Variants in USP45 observed in about 807,000 individuals in gnomAD.
The protein encoded by USP45 is ubiquitin specific peptidase 45, also known as ubiquitin carboxyl-terminal hydrolase 45.
A neutral mutation model predicts 95.8 loss-of-function variants in USP45; 89 were observed. The observed-to-expected ratio is 0.93, with a 90% CI of 0.78 to 1.11. The LOEUF (loss-of-function observed/expected upper bound fraction) is 1.11, where lower values mean the gene tolerates loss of function less well. USP45 is among the 50% of genes least tolerant of loss of function. The probability of loss-of-function intolerance (pLI) is 0.00; values close to 1 mark genes in which losing one functional copy is unlikely to be tolerated. For missense variants in USP45, 898 were observed against 942.5 expected (o/e 0.95, Z 0.62); for synonymous variants, 281 against 316.2 (o/e 0.89, Z 1.18).
chr6:99,470,853 A>C (rs1365809895), intron 9 of USP45, among the ~76,000 whole-genome samples: 1 of 152,208 alleles, frequency 6.6e-6, no homozygotes, highest in Non-Finnish European at 1.5e-5. Context: ...TCAGATAATC[A>C]TAACATTTCA....
intron 10 of USP45, 112 bp from the exon 11 acceptor site, chr6:99,466,875 C>A: frequency 1.4e-6 from 1 of 699,566 alleles, no homozygotes. Flanking sequence ...TTCTGTACTA[C>A]ATTTAATAAT....
At chr6:99,466,869 G>T in intron 10 of USP45, 106 bp from the exon 11 acceptor site, 3 of 735,098 alleles carry the variant, frequency 4.1e-6, no homozygotes, top group Non-Finnish European at 6.9e-6. Context: ...AAGATATTCT[G>T]TACTACATTT....
upstream of USP45, among the ~76,000 whole-genome samples, chr6:99,515,962 A>T (rs1223292754): frequency 6.6e-6 from 1 of 151,602 alleles, no homozygotes; most frequent in Non-Finnish European, 1.5e-5. Context: ...TTTGTTTAGT[A>T]GAGACGGGGT....
At chr6:99,492,770 G>A (rs370929170) in intron 5 of USP45, among the ~76,000 whole-genome samples, 1 of 152,112 alleles carries the variant, frequency 6.6e-6, no homozygotes, top group South Asian at 2.1e-4. Context: ...GGGATTATAG[G>A]AGTGAGGCCC....
intron 15 of USP45, 89 bp downstream of exon 15, chr6:99,443,476 G>A: frequency 1.2e-6 from 1 of 802,662 alleles, no homozygotes; most frequent in South Asian, 2.5e-5. Flanking sequence ...TAAGTTACTG[G>A]TTATTGTCTA....
At chr6:99,516,434 G>A (rs1177282919), upstream of USP45, among the ~76,000 whole-genome samples, 1 of 152,204 alleles carries the variant, frequency 6.6e-6, no homozygotes, top group Non-Finnish European at 1.5e-5. Flanking sequence ...GTAGAAATCA[G>A]AAGATACGAG....
intron 14 of USP45, among the ~76,000 whole-genome samples, chr6:99,444,890 T>G (rs760066470): frequency 5.9e-5 from 9 of 152,184 alleles, no homozygotes; most frequent in Non-Finnish European, 1.5e-5. Flanking sequence ...GTGGCAATTA[T>G]CTCCTGATCT....
At chr6:99,503,887 G>GA (rs1266092255) in intron 4 of USP45, 22 bp from the exon 5 acceptor site, 2 of 1,441,860 alleles carry the variant, frequency 1.4e-6, no homozygotes, top group African/African-American at 2.9e-5. Flanking sequence ...TAAAATTTAA[G>GA]AAAATATTAT....
chr6:99,489,381 A>G (rs892348699), intron 5 of USP45, among the ~76,000 whole-genome samples: 1 of 152,226 alleles, frequency 6.6e-6, no homozygotes, highest in Non-Finnish European at 1.5e-5. Context: ...AATTGGTAAC[A>G]GATTTTTTAA....
intron 7 of USP45, among the ~76,000 whole-genome samples, chr6:99,486,306 A>G (rs1245623553): frequency 2.6e-5 from 4 of 152,222 alleles, no homozygotes; most frequent in Non-Finnish European, 5.9e-5. Context: ...AGAATGATAC[A>G]AACCTAAAGT....
intron 13 of USP45, chr6:99,461,742 T>C: frequency 1.0e-6 from 1 of 985,082 alleles, no homozygotes; most frequent in Non-Finnish European, 1.2e-6. Context: ...AAATCAGTAC[T>C]TGTGCCTCTA....
Position 99,464,727 on chromosome 6 carries a change from C to T in USP45, c.1185G>A (p.Trp395Ter). ...AACTTCTATATTTATTCATTCTTCC[C>T]CAAAGTAAAGGTTTTGAAACCTATG... ...IEERVSKPLLWGRMNKYRSLR... is the reference protein window; with the variant it reads ...IEERVSKPLL The change falls in exon 13 of 18, where the codon TGG becomes TGA. Residue 395 changes from tryptophan to a stop codon, truncating the protein, a stop_gained. Coordinates refer to ENST00000500704, the MANE Select transcript of USP45 (RefSeq NM_001346022.3). LOFTEE classifies it high-confidence loss of function. 2 of 1,607,730 alleles carry T rather than the reference C, an allele frequency of 1.2e-6. No homozygotes were observed. Among genetic ancestry groups the T allele is most frequent in the South Asian group, 1.1e-5 (1 of 90,254 alleles).
chr6:99,495,510 T>C (rs1324925970), intron 5 of USP45, among the ~76,000 whole-genome samples: 1 of 152,242 alleles, frequency 6.6e-6, no homozygotes, highest in Non-Finnish European at 1.5e-5. Context: ...GTCCCCATTT[T>C]AGAACTGAAG....
intron 13 of USP45, among the ~76,000 whole-genome samples, chr6:99,455,113 A>C (rs1460388237): frequency 3.3e-5 from 5 of 151,518 alleles, no homozygotes; most frequent in African/African-American, 2.4e-5. Context: ...CAAAAAACAA[A>C]AAAACAAAAC....
chr6:99,459,957 G>C (rs542629701), intron 13 of USP45, among the ~76,000 whole-genome samples: 51 of 152,104 alleles, frequency 3.4e-4, no homozygotes, highest in African/African-American at 1.2e-3. Flanking sequence ...AGACCTTTTG[G>C]GTAGTGCTTT....
rs547094720 is a variant in USP45 at position 99,482,805 on chromosome 6, T to C, written c.793A>G (p.Thr265Ala). ...LFLFLHSMKE[T>A]EKGPLSPKVL... is the part of the protein sequence containing the mutation. ...TTAGGAGAAAGTGGTCCTTTTTCAG[T>C]CTCCTTCATGCTGTGAAGAAACAGG... Residue 265 changes from threonine (T) to alanine (A), a missense_variant, in exon 8 of 18, where the codon ACT (threonine) becomes GCT (alanine). By Grantham distance (58) the Thr-to-Ala change is moderately conservative (BLOSUM62 0). Coordinates refer to ENST00000500704, the MANE Select transcript of USP45 (RefSeq NM_001346022.3). 7 of 1,605,584 alleles carry C rather than the reference T, an allele frequency of 4.4e-6. No homozygotes were observed. The East Asian group carries it at 1.6e-4, about 36-fold the overall frequency.
chr6:99,488,875 T>G, intron 5 of USP45, 55 bp from the exon 6 acceptor site: 2 of 1,303,690 alleles, frequency 1.5e-6, no homozygotes, highest in Non-Finnish European at 2.0e-6. Context: ...ATATGTCACT[T>G]AACATAATTT....
intron 5 of USP45, among the ~76,000 whole-genome samples, chr6:99,502,761 G>A (rs541888967): frequency 6.6e-6 from 1 of 152,198 alleles, no homozygotes; most frequent in Non-Finnish European, 1.5e-5. Context: ...TCACTTTGGT[G>A]CTGTTCTCAT....
At chr6:99,456,132 CGG>C (rs1370128506) in intron 13 of USP45, among the ~76,000 whole-genome samples, 228 of 87,708 alleles carry the variant, frequency 2.6e-3, no homozygotes, top group Non-Finnish European at 4.1e-3. Flanking sequence ...GACTCTGTCT[CGG>C]AAAAAAAAAA....
Sources: allele counts gnomAD v4.1 joint callset (sites outside exome capture counted in the v4.1 genomes callset), GRCh38; gene constraint gnomAD v4.1.1; transcripts MANE v1.5; gene names NCBI Gene and HGNC (gene_info 2026-07-23, HGNC 2026-07-21).